CFAP61: variants seen among roughly 807,000 people sequenced by gnomAD.
CFAP61 encodes cilia- and flagella-associated protein 61.
In CFAP61, 107 loss-of-function variants were observed where a neutral mutation model predicts 135.6. The ratio of observed to expected loss-of-function variants is 0.79; its 90% CI spans 0.67 to 0.93. The LOEUF (loss-of-function observed/expected upper bound fraction) is 0.93, where lower values mean the gene tolerates loss of function less well. Ranked by LOEUF, CFAP61 falls within the 40% of genes least tolerant of loss-of-function variation. The pLI is 0.00. For synonymous variants in CFAP61, 575 were observed against 578.5 expected (o/e 0.99, Z 0.09); for missense variants, 1,507 against 1,556.2 (o/e 0.97, Z 0.53).
chr20:20,324,183 G>A (rs1443991830), intron 25 of CFAP61, among the ~76,000 whole-genome samples: 3 of 151,912 alleles, frequency 2.0e-5, no homozygotes, highest in African/African-American at 7.3e-5. Flanking sequence ...CCATTGAGAC[G>A]TGCCCTCTTC....
chr20:20,288,558 G>T (rs115411614), intron 22 of CFAP61, 51 bp from the exon 23 acceptor site: 18 of 1,430,472 alleles, frequency 1.3e-5, no homozygotes, highest in Non-Finnish European at 1.8e-5. Context: ...CTTTTGGGAA[G>T]GTAAAATGAA....
At chr20:20,280,843 A>G (rs1011856020) in intron 22 of CFAP61, among the ~76,000 whole-genome samples, 4 of 152,240 alleles carry the variant, frequency 2.6e-5, no homozygotes, top group Admixed American at 1.3e-4. Context: ...TCAGCAATGT[A>G]TGAGAGTTCC....
chr20:20,074,497 A>G (rs927627259), intron 4 of CFAP61, 119 bp downstream of exon 4: 1 of 787,220 alleles, frequency 1.3e-6, no homozygotes, highest in Non-Finnish European at 2.1e-6. Context: ...ATTTGTGGCT[A>G]TATTAAAATA....
intron 13 of CFAP61, chr20:20,184,435 G>T (rs1478327165): frequency 6.6e-6 from 1 of 152,110 alleles, no homozygotes; most frequent in Non-Finnish European, 1.5e-5. Context: ...GACAAACAGT[G>T]AAAAACAAAA....
intron 13 of CFAP61, among the ~76,000 whole-genome samples, chr20:20,184,086 T>A (rs77373370): frequency 0.012 from 1,763 of 152,330 alleles, 37 homozygotes; most frequent in African/African-American, 0.041. Flanking sequence ...TGGGCACCAC[T>A]GTAGGCTACA....
chr20:20,086,030 G>C (rs2046773411), intron 6 of CFAP61, among the ~76,000 whole-genome samples: 1 of 152,188 alleles, frequency 6.6e-6, no homozygotes, highest in South Asian at 2.1e-4. Flanking sequence ...TAAGGACTTA[G>C]TGTGCCCCAG....
intron 8 of CFAP61, among the ~76,000 whole-genome samples, chr20:20,104,950 T>C (rs975680417): frequency 1.3e-5 from 2 of 152,160 alleles, no homozygotes; most frequent in Non-Finnish European, 1.5e-5. Flanking sequence ...GTTACCTCTT[T>C]AAAGACTGTC....
At chr20:20,354,930 TGA>T (rs1258100273) in intron 26 of CFAP61, among the ~76,000 whole-genome samples, 4 of 138,676 alleles carry the variant, frequency 2.9e-5, no homozygotes, top group Non-Finnish European at 6.1e-5. Context: ...GGTCACACTG[TGA>T]GAGGGGAGGT....
intron 25 of CFAP61, among the ~76,000 whole-genome samples, chr20:20,303,476 G>C (rs1015375226): frequency 1.3e-5 from 2 of 152,174 alleles, no homozygotes; most frequent in African/African-American, 4.8e-5. Flanking sequence ...GGTCCTGAGA[G>C]CACCGCTGTG....
At chr20:20,211,548 G>T (rs572581569) in intron 17 of CFAP61, among the ~76,000 whole-genome samples, 1 of 152,304 alleles carries the variant, frequency 6.6e-6, no homozygotes, top group East Asian at 1.9e-4. Context: ...AAAATAGCAT[G>T]GGAGCCATAA....
rs183189852 is a variant in CFAP61, at chr20:20,346,708, C to T, written c.3513+4787C>T. On this transcript the variant is annotated intron_variant, in intron 26 of 26. Transcript: ENST00000245957. ...CAAAATGATCCTTCAAAATCCTTTA[C>T]GAAAGATATAACAATTATAACCATA... Among the ~76,000 whole-genome samples the T allele has an allele frequency of 1.4e-3, 206 of 152,102 alleles. 2 individuals are homozygous for T. In the Middle Eastern group the frequency reaches 0.014, roughly 10 times the overall value.
chr20:20,322,157 C>A (rs2057549087), intron 25 of CFAP61, among the ~76,000 whole-genome samples: 1 of 152,148 alleles, frequency 6.6e-6, no homozygotes, highest in South Asian at 2.1e-4. Context: ...TGGTTTCAGC[C>A]ACAGTCATCT....
rs145198573 is a variant in CFAP61 at position 20,052,550 on chromosome 20, G to T, written c.-78G>T. 1,515 of 1,614,154 alleles carry T rather than the reference G, an allele frequency of 9.4e-4. 18 individuals are homozygous for T. The African/African-American group carries it at 0.019, about 20-fold the overall frequency. ...GGTGACCAGGCTGCGCGTCCTCCTT[G>T]CGGCAGCGCGTGGAGTGCGGCGTCC... On this transcript the variant is annotated 5_prime_UTR_variant, in exon 1 of 27. Transcript: ENST00000245957.
chr20:20,330,292 G>A (rs1006930248), intron 25 of CFAP61, among the ~76,000 whole-genome samples: 2 of 152,126 alleles, frequency 1.3e-5, no homozygotes, highest in Non-Finnish European at 2.9e-5. Flanking sequence ...AATTCAGTGT[G>A]TATTTTATAC....
rs1379569169 is a variant in CFAP61 at position 20,262,917 on chromosome 20, T to C, written c.2329-39T>C. 3.5e-6 allele frequency: 5 copies of C among 1,418,746 alleles called. No homozygotes were observed. In the South Asian group the frequency reaches 5.9e-5, roughly 17 times the overall value. The allele number at this position is 1,418,746 out of a possible 1,614,324, so 87.9% of individuals were successfully genotyped here. A position where few individuals can be genotyped will look rare whatever the true frequency, so the allele number is the denominator to read the frequency against. On this transcript the variant is annotated intron_variant, in intron 20 of 26. Coordinates refer to ENST00000245957, the MANE Select transcript of CFAP61 (RefSeq NM_015585.4). ...TTTTAACCACTGTCACCACTTTATC[T>C]ATTATCACTGAAATAAGCATTTCTC... is the stretch of plus-strand genomic sequence containing the variant.
intron 9 of CFAP61, among the ~76,000 whole-genome samples, chr20:20,153,025 C>T (rs1201894840): frequency 1.3e-5 from 2 of 152,144 alleles, no homozygotes; most frequent in African/African-American, 4.8e-5. Context: ...CAAGTACCCT[C>T]TCAGACCACA....
At chr20:20,357,630 ACAC>A in intron 26 of CFAP61, among the ~76,000 whole-genome samples, 1 of 7,320 alleles carries the variant, frequency 1.4e-4, no homozygotes, top group African/African-American at 8.3e-4. Flanking sequence ...GGAGGTGGTC[ACAC>A]TGAGGGGAAG....
rs397865640 is a variant in CFAP61, at chr20:20,262,804, GTTT to G, written c.2329-140_2329-138del. 54 of 144,700 alleles carry G rather than the reference GTTT, an allele frequency of 3.7e-4. 3 individuals are homozygous for G. Among genetic ancestry groups the G allele is most frequent in the South Asian group, 1.9e-3 (13 of 6,688 alleles). The allele number at this position is 144,700 out of a possible 1,614,324, so 9.0% of individuals were successfully genotyped here. A position where few individuals can be genotyped will look rare whatever the true frequency, so the allele number is the denominator to read the frequency against. On this transcript the variant is annotated intron_variant, in intron 20 of 26. Coordinates refer to ENST00000245957, the MANE Select transcript of CFAP61 (RefSeq NM_015585.4). ...AGGTGCTCTTTCCACCTGTTTTTGT[GTTT>G]TTTTTTTTTTTCAATTAAAATCTGA...
At chr20:20,114,314 A>G (rs1003852228) in intron 8 of CFAP61, among the ~76,000 whole-genome samples, 3 of 152,152 alleles carry the variant, frequency 2.0e-5, no homozygotes, top group African/African-American at 7.2e-5. Flanking sequence ...GGGATCTTGA[A>G]TGGGATTGCT....
Sources: gnomAD v4.1 joint callset for allele counts (sites outside exome capture counted in the v4.1 genomes callset) on GRCh38, gnomAD v4.1.1 for gene constraint, MANE v1.5 for transcripts, NCBI Gene and HGNC (gene_info 2026-07-23, HGNC 2026-07-21) for gene names.